Variants in SMG9 observed in about 807,000 individuals in gnomAD.
SMG9 encodes SMG9 nonsense mediated mRNA decay factor.
In SMG9, 55 loss-of-function variants were observed where a neutral mutation model predicts 64.0. The ratio of observed to expected loss-of-function variants is 0.86; its 90% CI spans 0.69 to 1.08. The LOEUF is 1.08. Ranked by LOEUF, SMG9 falls within the 50% of genes least tolerant of loss-of-function variation. The probability of loss-of-function intolerance (pLI) is 0.00; values close to 1 mark genes in which losing one functional copy is unlikely to be tolerated. For synonymous variants in SMG9, 244 were observed against 254.8 expected, an observed-to-expected ratio of 0.96 and a Z score of 0.41; for missense variants, 554 against 681.3, an observed-to-expected ratio of 0.81 and a Z score of 2.08.
At chr19:43,746,406 T>C (rs1393002511) in intron 5 of SMG9, among the ~76,000 whole-genome samples, 2 of 152,216 alleles carry the variant, frequency 1.3e-5, no homozygotes, top group African/African-American at 2.4e-5. Flanking sequence ...AGTTCAAATA[T>C]ATATGATCTT....
rs760162514 is a variant in SMG9 at position 43,738,263 on chromosome 19, C to G, written c.814-46G>C. The G allele has an allele frequency of 1.4e-5, 21 of 1,548,538 alleles. No homozygotes were observed. The South Asian group carries it at 2.3e-4, about 17-fold the overall frequency. On this transcript the variant is annotated intron_variant, in intron 7 of 13. Coordinates refer to ENST00000270066, the MANE Select transcript of SMG9 (RefSeq NM_019108.4). ...GAGTGTCACTCAGATACCCAAGTTT[C>G]ACACGCTCAAGGCAAATACATTGTC... is the stretch of plus-strand genomic sequence containing the variant.
rs538351134 is a variant in SMG9 at position 43,729,493 on chromosome 19, A to G, written c.*2103T>C. ...GGAGGGCACAGTTCTCTCTGTCCCCAGCCTTGTGCTGAAAGGGGCTGGGAT... is the reference window on the plus strand; with the variant it reads ...GGAGGGCACAGTTCTCTCTGTCCCCGGCCTTGTGCTGAAAGGGGCTGGGAT... On this transcript the variant is annotated 3_prime_UTR_variant, in exon 14 of 14. Transcript: ENST00000270066. The G allele has an allele frequency of 6.6e-6, 1 of 152,402 alleles. No individual in the cohort carries two copies. Among genetic ancestry groups the G allele is most frequent in the East Asian group, 1.9e-4 (1 of 5,188 alleles). 9.4% of individuals were successfully genotyped at this position (152,402 alleles called of 1,614,324 possible).
Position 43,737,757 on chromosome 19 carries a change from C to G in SMG9, c.910-75G>C, listed in dbSNP as rs112044855. On this transcript the variant is annotated intron_variant, in intron 8 of 13. Transcript: ENST00000270066. ...TAATCAGGAGTCCCTGATCCCAGGA[C>G]TCAGTTCAGGAGGCAGCAAGGCAAG... 4.6e-3 allele frequency: 6,795 copies of G among 1,476,498 alleles called. 185 individuals are homozygous for G. In the African/African-American group the frequency reaches 0.071, roughly 15 times the overall value. 91.5% of individuals were successfully genotyped at this position (1,476,498 alleles called of 1,614,324 possible). A position where few individuals can be genotyped will look rare whatever the true frequency, so the allele number is the denominator to read the frequency against.
Position 43,754,932 on chromosome 19 carries a change from T to C in SMG9, c.-285A>G, listed in dbSNP as rs1412706794. The stretch of plus-strand genomic sequence containing the variant: ...TCCCTCAGGCGACTCGTCCTGCGCA[T>C]GCGCTGAGGGCTGGAGCTCGAGAAC... On this transcript the variant is annotated 5_prime_UTR_variant, in exon 1 of 14. An upstream start codon of the reference 5' UTR is lost. Transcript: ENST00000270066. The C allele has an allele frequency of 6.6e-6, 1 of 152,280 alleles. No homozygotes were observed. The highest frequency in any genetic ancestry group is 1.5e-5 in the Non-Finnish European group (1 of 68,098). 9.4% of individuals were successfully genotyped at this position (152,280 alleles called of 1,614,324 possible). A position where few individuals can be genotyped will look rare whatever the true frequency, so the allele number is the denominator to read the frequency against.
At chr19:43,734,597 A>G (rs1382234425) in intron 9 of SMG9, 102 bp from the exon 10 acceptor site, 1 of 733,402 alleles carries the variant, frequency 1.4e-6, no homozygotes, top group Non-Finnish European at 2.3e-6. Flanking sequence ...AGCTACAGCC[A>G]TGCTCAGAAA....
At chr19:43,745,027 C>G in intron 5 of SMG9, 143 bp from the exon 6 acceptor site, 1 of 567,600 alleles carries the variant, frequency 1.8e-6, no homozygotes, top group Non-Finnish European at 3.2e-6. Flanking sequence ...ACCCCTTCAA[C>G]TAGGCATAGG....
chr19:43,748,166 C>G, intron 2 of SMG9, 114 bp from the exon 3 acceptor site: 1 of 1,248,182 alleles, frequency 8.0e-7, no homozygotes, highest in Non-Finnish European at 1.1e-6. Flanking sequence ...ATCCTACCAA[C>G]AGCCCTGTGA....
In SMG9 at chr19:43,747,910, A is replaced by T. The variant is rs377033061; in HGVS notation, c.226-13T>A. 1.9e-6 allele frequency: 3 copies of T among 1,613,800 alleles called. No homozygotes were observed. Among genetic ancestry groups the T allele is most frequent in the African/African-American group, 2.7e-5 (2 of 75,028 alleles). On this transcript the variant is annotated splice_polypyrimidine_tract_variant and intron_variant, in intron 3 of 13. Transcript: ENST00000270066. ...GTGGCTGTTTTGACTACGGAGGTAA[A>T]AAAAATCCCATCAATGGGGGCAATC...
chr19:43,744,714 G>T, intron 6 of SMG9, 58 bp downstream of exon 6: 2 of 1,315,550 alleles, frequency 1.5e-6, no homozygotes, highest in Non-Finnish European at 1.1e-6. Flanking sequence ...AGCCCACCTT[G>T]CCCCTGCTCC....
chr19:43,734,317 C>T (rs1271979949), intron 10 of SMG9, 72 bp downstream of exon 10: 13 of 1,223,592 alleles, frequency 1.1e-5, no homozygotes, highest in Admixed American at 1.0e-4. Context: ...CCCTCTTCTC[C>T]AGCGTGCTCC....
intron 6 of SMG9, among the ~76,000 whole-genome samples, chr19:43,743,769 C>G (rs1240209398): frequency 6.6e-6 from 1 of 152,180 alleles, no homozygotes; most frequent in Non-Finnish European, 1.5e-5. Flanking sequence ...GCACTTGAGC[C>G]TGGGTGAAAG....
At chr19:43,733,258 G>C in intron 12 of SMG9, 66 bp downstream of exon 12, 1 of 1,579,056 alleles carries the variant, frequency 6.3e-7, no homozygotes, top group Non-Finnish European at 8.6e-7. Context: ...AGACCAGTGG[G>C]TGCTGGGTCT....
At chr19:43,747,293 T>G in intron 5 of SMG9, 149 bp downstream of exon 5, 1 of 701,316 alleles carries the variant, frequency 1.4e-6, no homozygotes, top group Non-Finnish European at 2.4e-6. Flanking sequence ...GAAATTCCGC[T>G]CTGGTTAGGT....
intron 7 of SMG9, among the ~76,000 whole-genome samples, chr19:43,738,861 C>T (rs186257799): frequency 1.7e-3 from 252 of 152,360 alleles, no homozygotes; most frequent in African/African-American, 5.8e-3. Context: ...ACCCAGACCA[C>T]AGCCGGTTTG....
At chr19:43,742,514 A>G (rs542862048) in intron 6 of SMG9, among the ~76,000 whole-genome samples, 1 of 152,324 alleles carries the variant, frequency 6.6e-6, no homozygotes, top group East Asian at 1.9e-4. Context: ...CCATTGTGTT[A>G]TATTCTAACG....
chr19:43,734,809 A>G (rs1003026647), intron 9 of SMG9: 6 of 235,628 alleles, frequency 2.5e-5, no homozygotes, highest in African/African-American at 4.5e-5. Flanking sequence ...ACCCCTGCAC[A>G]TGCACAGCCT....
chr19:43,733,049 C>T (rs1328203836), intron 12 of SMG9, 47 bp from the exon 13 acceptor site: 1 of 1,556,152 alleles, frequency 6.4e-7, no homozygotes, highest in African/African-American at 1.4e-5. Context: ...CTGCCAGGGT[C>T]TTTCTCCCAG....
chr19:43,732,038 A>G (rs1316933057), intron 13 of SMG9, among the ~76,000 whole-genome samples: 1 of 152,204 alleles, frequency 6.6e-6, no homozygotes, highest in African/African-American at 2.4e-5. Flanking sequence ...CAGCTGCACA[A>G]CCCACAATCT....
intron 6 of SMG9, among the ~76,000 whole-genome samples, chr19:43,743,820 C>T (rs912841710): frequency 2.0e-5 from 3 of 152,180 alleles, no homozygotes; most frequent in Non-Finnish European, 2.9e-5. Context: ...AAATAAAATT[C>T]TGCATATACT....
Sources: allele counts gnomAD v4.1 joint callset (sites outside exome capture counted in the v4.1 genomes callset), GRCh38; gene constraint gnomAD v4.1.1; transcripts MANE v1.5; gene names NCBI Gene and HGNC (gene_info 2026-07-23, HGNC 2026-07-21).